The following CCSER1 variants were observed in gnomAD, a reference collection of about 807,000 sequenced individuals.
The protein encoded by CCSER1 is coiled-coil serine rich protein 1, also known as serine-rich coiled-coil domain-containing protein 1.
CCSER1 carries 41 observed loss-of-function variants against 82.0 expected under a neutral mutation model. The ratio of observed to expected loss-of-function variants is 0.50; its 90% CI spans 0.39 to 0.65. The LOEUF (loss-of-function observed/expected upper bound fraction) is 0.65. Ranked by LOEUF, CCSER1 falls within the 30% of genes least tolerant of loss-of-function variation. The pLI, the probability that CCSER1 is intolerant of heterozygous loss-of-function variation, is 0.00. For missense variants in CCSER1, 1,119 were observed against 1,064.2 expected (o/e 1.05, Z -0.72); for synonymous variants, 414 against 383.9 (o/e 1.08, Z -0.92).
chr4:90,261,679 T>A (rs1724354653), intron 1 of CCSER1, among the ~76,000 whole-genome samples: 1 of 152,182 alleles, frequency 6.6e-6, no homozygotes, highest in Admixed American at 6.5e-5. Context: ...TCTCAATTAT[T>A]CCCTGAAATA....
chr4:90,862,907 CTTT>C (rs548953621), intron 8 of CCSER1, among the ~76,000 whole-genome samples: 113 of 122,084 alleles, frequency 9.3e-4, no homozygotes, highest in African/African-American at 3.0e-3. Flanking sequence ...TATTTTTTGT[CTTT>C]TTTTTTTTTT....
chr4:90,653,763 G>C (rs10022603), intron 6 of CCSER1, among the ~76,000 whole-genome samples: 2 of 151,896 alleles, frequency 1.3e-5, no homozygotes, highest in African/African-American at 2.4e-5. Context: ...CTACAAAAAC[G>C]CATTAGTTAA....
Position 91,457,474 on chromosome 4 carries a change from G to A in CCSER1, c.2218-141098G>A, listed in dbSNP as rs149336465. ...TGAGCCAGGAATTTGAGATCAGCCC[G>A]GGCAACATAGCAAGACCCCATCTCT... On this transcript the variant is annotated intron_variant, in intron 10 of 10. Transcript: ENST00000509176. Among the ~76,000 whole-genome samples the A allele has an allele frequency of 5.7e-4, 86 of 151,896 alleles. 1 individual carries two copies. In the East Asian group the frequency reaches 0.016, roughly 28 times the overall value.
chr4:90,168,399 A>T (rs568308533), intron 1 of CCSER1, among the ~76,000 whole-genome samples: 1 of 151,924 alleles, frequency 6.6e-6, no homozygotes, highest in Non-Finnish European at 1.5e-5. Flanking sequence ...GAGTAGATTG[A>T]AAAAATTTTC....
chr4:90,843,971 C>T (rs1047716067), intron 8 of CCSER1, among the ~76,000 whole-genome samples: 2 of 152,046 alleles, frequency 1.3e-5, no homozygotes. Flanking sequence ...ACTCTTGAGA[C>T]TCAGCCAATC....
intron 5 of CCSER1, among the ~76,000 whole-genome samples, chr4:90,616,127 T>G (rs902608398): frequency 1.3e-4 from 20 of 152,186 alleles, no homozygotes; most frequent in African/African-American, 4.6e-4. Flanking sequence ...ATAATGCTAT[T>G]GCACGCTTAA....
chr4:90,972,782 C>T (rs996857226), intron 9 of CCSER1, among the ~76,000 whole-genome samples: 1 of 151,536 alleles, frequency 6.6e-6, no homozygotes, highest in African/African-American at 2.4e-5. Flanking sequence ...ATAAAGTAAT[C>T]AAAACTGTAT....
At chr4:91,513,434 G>T (rs1340328261) in intron 10 of CCSER1, among the ~76,000 whole-genome samples, 1 of 152,074 alleles carries the variant, frequency 6.6e-6, no homozygotes, top group East Asian at 1.9e-4. Flanking sequence ...CTTTTCCCAT[G>T]AGTCTTTGCC....
chr4:91,297,385 A>ATGTGTATG (rs1474514455), intron 10 of CCSER1, among the ~76,000 whole-genome samples: 26 of 117,990 alleles, frequency 2.2e-4, no homozygotes, highest in Non-Finnish European at 4.6e-4. Flanking sequence ...GTGTGTGTGT[A>ATGTGTATG]TGTGTGTGTG....
At chr4:91,159,216 TC>T (rs1457001370) in intron 10 of CCSER1, among the ~76,000 whole-genome samples, 5 of 152,038 alleles carry the variant, frequency 3.3e-5, no homozygotes, top group Admixed American at 2.6e-4. Flanking sequence ...TAATACTATT[TC>T]TTCTGATTAG....
intron 10 of CCSER1, among the ~76,000 whole-genome samples, chr4:91,404,118 A>C (rs1016830830): frequency 9.9e-5 from 15 of 151,926 alleles, no homozygotes; most frequent in Non-Finnish European, 2.2e-4. Flanking sequence ...TCCTGGTTTA[A>C]TCTTGGGAGG....
chr4:91,190,931 C>T (rs1734941032), intron 10 of CCSER1, among the ~76,000 whole-genome samples: 1 of 152,140 alleles, frequency 6.6e-6, no homozygotes, highest in Admixed American at 6.5e-5. Flanking sequence ...GTTTTCTCAC[C>T]TGTAAAATGT....
intron 4 of CCSER1, among the ~76,000 whole-genome samples, chr4:90,410,837 C>G (rs929189375): frequency 1.3e-5 from 2 of 152,104 alleles, no homozygotes; most frequent in Non-Finnish European, 2.9e-5. Context: ...AATCCAGGAG[C>G]TGGTTTTTCG....
At chr4:91,550,813 TAATA>T (rs1389464300) in intron 10 of CCSER1, among the ~76,000 whole-genome samples, 1 of 152,192 alleles carries the variant, frequency 6.6e-6, no homozygotes, top group Non-Finnish European at 1.5e-5. Flanking sequence ...TTGTTTTCAG[TAATA>T]AATTCTCTGA....
intron 3 of CCSER1, among the ~76,000 whole-genome samples, chr4:90,390,296 A>G (rs1229058954): frequency 6.6e-6 from 1 of 152,150 alleles, no homozygotes; most frequent in Non-Finnish European, 1.5e-5. Flanking sequence ...TCTTAATTTC[A>G]ACTTTTATTG....
At chr4:91,076,185 C>G (rs543753218) in intron 9 of CCSER1, among the ~76,000 whole-genome samples, 1 of 152,134 alleles carries the variant, frequency 6.6e-6, no homozygotes, top group Non-Finnish European at 1.5e-5. Context: ...TTCTTGTCAT[C>G]AGATATACTG....
intron 9 of CCSER1, among the ~76,000 whole-genome samples, chr4:91,068,575 A>G (rs1331188555): frequency 6.6e-6 from 1 of 152,224 alleles, no homozygotes. Context: ...GTAGTTTTAC[A>G]TTATGAGTAC....
chr4:90,593,186 C>G (rs1355243721), intron 5 of CCSER1, among the ~76,000 whole-genome samples: 2 of 151,934 alleles, frequency 1.3e-5, no homozygotes, highest in Non-Finnish European at 2.9e-5. Flanking sequence ...TAAACAGATT[C>G]TAACTCATTT....
chr4:91,102,909 A>T (rs1390558991), intron 10 of CCSER1, among the ~76,000 whole-genome samples: 1 of 152,240 alleles, frequency 6.6e-6, no homozygotes, highest in African/African-American at 2.4e-5. Context: ...GCCACCTCAA[A>T]AATATAGAGA....
Sources: allele counts gnomAD v4.1 joint callset (sites outside exome capture counted in the v4.1 genomes callset), GRCh38; gene constraint gnomAD v4.1.1; transcripts MANE v1.5; gene names NCBI Gene and HGNC (gene_info 2026-07-23, HGNC 2026-07-21).